Variants in STKLD1 observed in about 807,000 individuals in gnomAD.
STKLD1 encodes serine/threonine kinase like domain containing 1, also known as serine/threonine kinase-like domain-containing protein STKLD1.
Under a neutral mutation model 80.4 loss-of-function variants are expected in STKLD1, and 79 were observed. The observed-to-expected ratio is 0.98, with a 90% CI of 0.82 to 1.19. STKLD1 has a LOEUF of 1.19. STKLD1 is among the 50% of genes most tolerant of loss of function. The pLI, the probability that STKLD1 is intolerant of heterozygous loss-of-function variation, is 0.00. For synonymous variants in STKLD1, 393 were observed against 357.6 expected (o/e 1.10, Z -1.12); for missense variants, 841 against 856.0 (o/e 0.98, Z 0.22).
intron 11 of STKLD1, among the ~76,000 whole-genome samples, chr9:133,398,947 G>C (rs1554777124): frequency 6.6e-6 from 1 of 152,106 alleles, no homozygotes; most frequent in Non-Finnish European, 1.5e-5. Context: ...CCGCCTCCTG[G>C]GTTCAAGTGA....
chr9:133,401,765 C>A lies in STKLD1; in HGVS notation c.1226C>A (p.Ala409Asp). The A allele has an allele frequency of 1.2e-6, 2 of 1,613,298 alleles. No homozygotes were observed. The highest frequency in any genetic ancestry group is 1.1e-5 in the South Asian group (1 of 91,064). Residue 409 changes from alanine (A) to aspartate (D), a missense_variant, in exon 13 of 18, where the codon GCT becomes GAT. Transcript: ENST00000371957. ...QALVHHPEAK[A>D]PCNQAITSTL... is the part of the protein sequence containing the mutation. Reference sequence around the variant, plus strand: ...CTGGTGCACCACCCGGAAGCCAAGGCTCCCTGCAACCAAGCCATCACCTCC... The same window carrying A: ...CTGGTGCACCACCCGGAAGCCAAGGATCCCTGCAACCAAGCCATCACCTCC...
At chr9:133,383,331 G>C (rs1459961596) in intron 2 of STKLD1, among the ~76,000 whole-genome samples, 1 of 9,446 alleles carries the variant, frequency 1.1e-4, no homozygotes, top group Non-Finnish European at 2.9e-4. Flanking sequence ...TGATGGTGGT[G>C]ATGGTGATGG....
chr9:133,380,404 A>G (rs1838103114), intron 2 of STKLD1, among the ~76,000 whole-genome samples: 1 of 151,992 alleles, frequency 6.6e-6, no homozygotes, highest in African/African-American at 2.4e-5. Context: ...CTGTAATCGC[A>G]GCATTTTGGG....
Position 133,394,104 on chromosome 9 carries a change from T to C in STKLD1, c.584-187T>C, listed in dbSNP as rs41316984. ...AGATCAACACAAAGCTCCCGCTGAT[T>C]GGGGCCTCTTCCTCCCCACAGTTAA... On this transcript the variant is annotated intron_variant, in intron 7 of 17. Coordinates refer to ENST00000371957, the MANE Select transcript of STKLD1 (RefSeq NM_153710.5). This position sits in a 1 kb window ranked among gnomAD's most constrained non-coding sequence, Gnocchi z 4.9. 0.088 allele frequency: 54,658 copies of C among 624,256 alleles called. 3,182 individuals carry two copies. The highest frequency in any genetic ancestry group is 0.22 in the African/African-American group (11,805 of 54,748). 38.7% of individuals were successfully genotyped at this position (624,256 alleles called of 1,614,324 possible).
intron 5 of STKLD1, chr9:133,388,990 C>A (rs1838324484): frequency 1.0e-6 from 1 of 985,216 alleles, no homozygotes; most frequent in African/African-American, 1.7e-5. Context: ...CCCTCAGCCC[C>A]TCTCTGACAC....
Position 133,401,727 on chromosome 9 carries a change from G to T in STKLD1, c.1199-11G>T. Reference sequence around the variant, plus strand: ...GGGCTAACCCCAGGCGTCTTCCTCTGGCTTGAGCAGCGCTGGTGCACCACC... The same window carrying T: ...GGGCTAACCCCAGGCGTCTTCCTCTTGCTTGAGCAGCGCTGGTGCACCACC... On this transcript the variant is annotated splice_polypyrimidine_tract_variant and intron_variant, in intron 12 of 17. Transcript: ENST00000371957. 1 of 1,609,740 alleles carries T rather than the reference G, an allele frequency of 6.2e-7. No homozygotes were observed. The highest frequency in any genetic ancestry group is 8.5e-7 in the Non-Finnish European group (1 of 1,179,104).
rs782475479 is a variant in STKLD1, at chr9:133,404,907, G to A, written c.1851G>A (p.Leu617=). Residue 617 remains leucine (L), a synonymous_variant, in exon 17 of 18, where the codon CTG becomes CTA. Coordinates refer to ENST00000371957, the MANE Select transcript of STKLD1 (RefSeq NM_153710.5). ...DPEVVENVGM[L]LVHLASYEEI... ...AGGTGGTGGAGAACGTGGGCATGCT[G>A]CTGGTCCACCTGGCTTCCTATGGTG... 1 of 1,613,412 alleles carries A rather than the reference G, an allele frequency of 6.2e-7. No homozygotes were observed. Among genetic ancestry groups the A allele is most frequent in the Non-Finnish European group, 8.5e-7 (1 of 1,179,826 alleles).
chr9:133,385,836 C>T lies in STKLD1; in HGVS notation c.294+145C>T, dbSNP rs1838253074. 1.4e-6 allele frequency: 1 copy of T among 690,710 alleles called. No homozygotes were observed. Among genetic ancestry groups the T allele is most frequent in the South Asian group, 1.8e-5 (1 of 55,882 alleles). The allele number at this position is 690,710 out of a possible 1,614,324, so 42.8% of individuals were successfully genotyped here. The stretch of plus-strand genomic sequence containing the variant: ...TGACTGTAAACGTGGCCACCCCTGA[C>T]CTAACACTCACTGGGGCCAGGTACC... On this transcript the variant is annotated intron_variant, in intron 4 of 17. Transcript: ENST00000371957. This position sits in a 1 kb window ranked among gnomAD's most constrained non-coding sequence, Gnocchi z 4.9.
At chr9:133,405,009 G>C (rs1667568471) in intron 17 of STKLD1, 80 bp downstream of exon 17, 1 of 1,552,278 alleles carries the variant, frequency 6.4e-7, no homozygotes, top group Non-Finnish European at 8.7e-7. Context: ...TGACAGGGAA[G>C]GAGCACATGG....
chr9:133,376,795 A>G (rs1258054585), intron 1 of STKLD1, among the ~76,000 whole-genome samples: 1 of 152,158 alleles, frequency 6.6e-6, no homozygotes, highest in East Asian at 1.9e-4. Context: ...CTGGCTGAGT[A>G]TTTGAGGGCG....
chr9:133,382,332 C>A (rs1838151287), intron 2 of STKLD1, among the ~76,000 whole-genome samples: 1 of 152,218 alleles, frequency 6.6e-6, no homozygotes, highest in African/African-American at 2.4e-5. Context: ...GCAAAAGGAG[C>A]AAAGATGTTC....
intron 12 of STKLD1, 44 bp from the exon 13 acceptor site, chr9:133,401,694 G>C: frequency 6.3e-7 from 1 of 1,589,002 alleles, no homozygotes; most frequent in Non-Finnish European, 8.5e-7. Flanking sequence ...CCCCATGCCT[G>C]AGCTGTGGGG....
chr9:133,391,591 G>A (rs1838399717), intron 7 of STKLD1, among the ~76,000 whole-genome samples: 1 of 150,882 alleles, frequency 6.6e-6, no homozygotes, highest in South Asian at 2.1e-4. Flanking sequence ...TCTGAAACAT[G>A]TGCTGTGTCC....
Position 133,403,707 on chromosome 9 carries a change from T to A in STKLD1, c.1482T>A (p.Ile494=). 6.2e-7 allele frequency: 1 copy of A among 1,613,452 alleles called. No homozygotes were observed. Among genetic ancestry groups the A allele is most frequent in the Non-Finnish European group, 8.5e-7 (1 of 1,179,706 alleles). Residue 494 remains isoleucine (I), a synonymous_variant, in exon 15 of 18, where the codon ATT becomes ATA. Transcript: ENST00000371957. ...LLWALLLDGI[I]VNKAPLEKVP... ...TCCCTGTCCTCGTTCCAGGTATCAT[T>A]GTGAACAAGGCCCCCTTGGAGAAGG...
chr9:133,390,070 G>A lies in STKLD1; in HGVS notation c.467+474G>A, dbSNP rs2130285683. ...GGAAACTATGCAGCTGGGCGTGGTG[G>A]TGCACGCCTGTGGTCCTAGCAACAT... On this transcript the variant is annotated intron_variant, in intron 6 of 17. Coordinates refer to ENST00000371957, the MANE Select transcript of STKLD1 (RefSeq NM_153710.5). This position sits in a 1 kb window ranked among gnomAD's most constrained non-coding sequence, Gnocchi z 5.1. 1.3e-5 allele frequency among the ~76,000 whole-genome samples: 2 copies of A among 152,160 alleles called. No individual in the cohort carries two copies. Among genetic ancestry groups the A allele is most frequent in the East Asian group, 1.9e-4 (1 of 5,194 alleles).
Position 133,389,394 on chromosome 9 carries a change from G to C in STKLD1, c.397-132G>C. 1 of 1,465,116 alleles carries C rather than the reference G, an allele frequency of 6.8e-7. No homozygotes were observed. Among genetic ancestry groups the C allele is most frequent in the Non-Finnish European group, 9.1e-7 (1 of 1,104,216 alleles). The allele number at this position is 1,465,116 out of a possible 1,614,324, so 90.8% of individuals were successfully genotyped here. On this transcript the variant is annotated intron_variant, in intron 5 of 17. Coordinates refer to ENST00000371957, the MANE Select transcript of STKLD1 (RefSeq NM_153710.5). The surrounding 1 kb of genome is among the most constrained non-coding windows in gnomAD (Gnocchi z 6.4). ...GAAGCCTCCTCCACCCTGAGCGCTT[G>C]GCTGGCTTCAGGCCTGTCTCAAGAT...
At chr9:133,396,264 T>C (rs1838561443) in intron 9 of STKLD1, among the ~76,000 whole-genome samples, 1 of 151,972 alleles carries the variant, frequency 6.6e-6, no homozygotes, top group South Asian at 2.1e-4. Context: ...GAAACCCCTG[T>C]CTCTACGAAA....
Position 133,389,068 on chromosome 9 carries a change from T to C in STKLD1, c.397-458T>C, listed in dbSNP as rs1464253258. On this transcript the variant is annotated intron_variant, in intron 5 of 17. Transcript: ENST00000371957. This position sits in a 1 kb window ranked among gnomAD's most constrained non-coding sequence, Gnocchi z 6.4. The stretch of plus-strand genomic sequence containing the variant: ...TAGAATCACCGCGCTGGGTACTCGA[T>C]GGAGCTTGTCTCTGATGCAGAACAC... 2.0e-6 allele frequency: 2 copies of C among 985,382 alleles called. No homozygotes were observed. The highest frequency in any genetic ancestry group is 2.4e-6 in the Non-Finnish European group (2 of 829,898). The allele number at this position is 985,382 out of a possible 1,614,324, so 61.0% of individuals were successfully genotyped here. A position where few individuals can be genotyped will look rare whatever the true frequency, so the allele number is the denominator to read the frequency against.
chr9:133,392,669 G>GGGTGAGTGGATGGGTGAGTA, intron 7 of STKLD1, among the ~76,000 whole-genome samples: 1 of 115,684 alleles, frequency 8.6e-6, no homozygotes, highest in Non-Finnish European at 1.8e-5. Flanking sequence ...ATGGGTGGGT[G>GGGTGAGTGGATGGGTGAGTA]GGTGAGTGGA....
Sources: allele counts gnomAD v4.1 joint callset (sites outside exome capture counted in the v4.1 genomes callset), GRCh38; gene constraint gnomAD v4.1.1; non-coding constraint Gnocchi (gnomAD v3.1); transcripts MANE v1.5; gene names NCBI Gene and HGNC (gene_info 2026-07-23, HGNC 2026-07-21).